METTL23: variants seen among roughly 807,000 people sequenced by gnomAD.
METTL23 encodes methyltransferase 23, arginine, also known as histone-arginine methyltransferase METTL23.
A neutral mutation model predicts 21.2 loss-of-function variants in METTL23; 24 were observed. The observed-to-expected ratio is 1.13, with a 90% CI of 0.82 to 1.59. The LOEUF is 1.59. Among genes scored for constraint, METTL23 ranks in the 40% most tolerant of loss-of-function variants. The pLI is 0.00. For missense variants in METTL23, 276 were observed against 221.4 expected (o/e 1.25, Z -1.57); for synonymous variants, 97 against 75.2 (o/e 1.29, Z -1.50).
At chr17:76,728,242 A>G (rs1010091709) in intron 1 of METTL23, among the ~76,000 whole-genome samples, 29 of 145,436 alleles carry the variant, frequency 2.0e-4, no homozygotes, top group Non-Finnish European at 3.1e-4. Flanking sequence ...TCAAGAAGAA[A>G]AAAAAAAAAA....
At chr17:76,731,897 G>T (rs1173356497) in intron 2 of METTL23, among the ~76,000 whole-genome samples, 1 of 152,176 alleles carries the variant, frequency 6.6e-6, no homozygotes, top group Admixed American at 6.5e-5. Flanking sequence ...GGAAGCTTGT[G>T]TTTATGCTAA....
chr17:76,731,861 T>C (rs1217919671), intron 2 of METTL23, among the ~76,000 whole-genome samples: 1 of 152,232 alleles, frequency 6.6e-6, no homozygotes, highest in Non-Finnish European at 1.5e-5. Context: ...ATTCTATCTC[T>C]GTGTCCTTCC....
At chr17:76,730,319 G>C (rs1424970128) in intron 2 of METTL23, among the ~76,000 whole-genome samples, 1 of 151,480 alleles carries the variant, frequency 6.6e-6, no homozygotes, top group East Asian at 1.9e-4. Flanking sequence ...TTTTAAAGAA[G>C]ATACTGGGTG....
At position 76,732,860 on chromosome 17, in the gene METTL23, G is replaced by A. The variant is rs1244585775; in HGVS notation, c.85-118G>A. ...TTACGGTACATTTTATACAAACCCA[G>A]AAAGACTGACTCTATGCTTATTTAA... is the stretch of plus-strand genomic sequence containing the variant. On this transcript the variant is annotated intron_variant, in intron 2 of 4. Transcript: ENST00000341249. The A allele has an allele frequency of 1.8e-5, 15 of 819,616 alleles. No individual in the cohort carries two copies. In the East Asian group the frequency reaches 3.7e-4, roughly 20 times the overall value. 50.8% of individuals were successfully genotyped at this position (819,616 alleles called of 1,614,324 possible). A position where few individuals can be genotyped will look rare whatever the true frequency, so the allele number is the denominator to read the frequency against.
Position 76,733,310 on chromosome 17 carries a change from G to A in METTL23, c.340G>A (p.Ala114Thr). ...FEPEDFEDIL[A>T]TIYFLMHKNP... Reference sequence around the variant, plus strand: ...CTCCTCAGATTTTGAAGACATTTTGGCTACAATATATTTTTTGATGCACAA... The same window carrying A: ...CTCCTCAGATTTTGAAGACATTTTGACTACAATATATTTTTTGATGCACAA... The change falls in exon 4 of 5, where the codon GCT (alanine) becomes ACT (threonine). Residue 114 changes from alanine (A) to threonine (T), a missense_variant. Physicochemically the swap from Ala to Thr is moderately conservative, Grantham distance 58. Coordinates refer to ENST00000341249, the MANE Select transcript of METTL23 (RefSeq NM_001080510.5). 4 of 1,613,864 alleles carry A rather than the reference G, an allele frequency of 2.5e-6. No individual in the cohort carries two copies. The highest frequency in any genetic ancestry group is 1.3e-5 in the African/African-American group (1 of 75,010).
rs2077359079 is a variant in METTL23 at position 76,733,839 on chromosome 17, TAAACTC to T, written c.*155_*160del. ...ATTTTGATGTCACCTAGACAACACT[TAAACTC>T]ATATGAAACAAAAATTAAAATACGT... On this transcript the variant is annotated 3_prime_UTR_variant, in exon 5 of 5. Coordinates refer to ENST00000341249, the MANE Select transcript of METTL23 (RefSeq NM_001080510.5). 3 of 551,554 alleles carry T rather than the reference TAAACTC, an allele frequency of 5.4e-6. No homozygotes were observed. Among genetic ancestry groups the T allele is most frequent in the Non-Finnish European group, 9.1e-6 (3 of 328,092 alleles). The allele number at this position is 551,554 out of a possible 1,614,324, so 34.2% of individuals were successfully genotyped here.
intron 4 of METTL23, 65 bp from the exon 5 acceptor site, chr17:76,733,456 A>G (rs770409614): frequency 3.6e-5 from 58 of 1,599,148 alleles, no homozygotes; most frequent in Non-Finnish European, 4.7e-5. Flanking sequence ...TAATTTAAGA[A>G]TAGAATACAT....
intron 1 of METTL23, among the ~76,000 whole-genome samples, chr17:76,728,884 C>G (rs2077079918): frequency 6.7e-6 from 1 of 148,732 alleles, no homozygotes; most frequent in South Asian, 2.1e-4. Context: ...AGCTCTGCCT[C>G]CCGGGTTCAC....
At chr17:76,728,416 T>TTTTTTTTTTTTGTTTTTTTTTTTTTG (rs2077051645) in intron 1 of METTL23, among the ~76,000 whole-genome samples, 13 of 5,188 alleles carry the variant, frequency 2.5e-3, no homozygotes, top group African/African-American at 4.2e-3. Flanking sequence ...TCACGGATTT[T>TTTTTTTTTTTTGTTTTTTTTTTTTTG]TTTTTTTTTT....
Position 76,727,132 on chromosome 17 carries a change from C to T in METTL23, c.-68C>T. ...CAGCGCTTTCGATTCTCGGAGGAGC[C>T]GGGTCCGGGGGCCGACGGGGCTGTC... On this transcript the variant is annotated 5_prime_UTR_variant, in exon 1 of 5. Transcript: ENST00000341249. 2.2e-6 allele frequency: 1 copy of T among 451,528 alleles called. No individual in the cohort carries two copies. The highest frequency in any genetic ancestry group is 1.6e-5 in the South Asian group (1 of 64,316). 28.0% of individuals were successfully genotyped at this position (451,528 alleles called of 1,614,324 possible).
chr17:76,732,966 A>AT lies in METTL23; in HGVS notation c.85-11dup. 1.9e-6 allele frequency: 3 copies of AT among 1,554,214 alleles called. No homozygotes were observed. Among genetic ancestry groups the AT allele is most frequent in the Non-Finnish European group, 2.6e-6 (3 of 1,146,218 alleles). On this transcript the variant is annotated splice_polypyrimidine_tract_variant and intron_variant, in intron 2 of 4. Transcript: ENST00000341249. The stretch of plus-strand genomic sequence containing the variant: ...GTATAATTGTGAAATGCCATCTTTC[A>AT]TAACTTATTAGATTGGAGCTGGAGT...
intron 4 of METTL23, 32 bp downstream of exon 4, chr17:76,733,409 T>C (rs766457544): frequency 1.2e-6 from 2 of 1,608,268 alleles, no homozygotes; most frequent in African/African-American, 1.3e-5. Context: ...TTTTTATATG[T>C]AACTTAAGCC....
rs1468720978 is a variant in METTL23, at chr17:76,727,056, A to G, written c.-144A>G. 3 of 454,646 alleles carry G rather than the reference A, an allele frequency of 6.6e-6. No homozygotes were observed. The highest frequency in any genetic ancestry group is 1.3e-5 in the Non-Finnish European group (3 of 226,160). 28.2% of individuals were successfully genotyped at this position (454,646 alleles called of 1,614,324 possible). A position where few individuals can be genotyped will look rare whatever the true frequency, so the allele number is the denominator to read the frequency against. ...GCGGTCCCCCGCCCGCCCGGGGCCC[A>G]ACGACGCCCTACTGGGCGAGCACGA... On this transcript the variant is annotated 5_prime_UTR_variant, in exon 1 of 5. Coordinates refer to ENST00000341249, the MANE Select transcript of METTL23 (RefSeq NM_001080510.5).
chr17:76,728,505 G>A (rs1222637131), intron 1 of METTL23, among the ~76,000 whole-genome samples: 1 of 150,816 alleles, frequency 6.6e-6, no homozygotes, highest in Non-Finnish European at 1.5e-5. Context: ...CCGCCTCGTG[G>A]GTTCAAGTGA....
At chr17:76,726,437 C>T, upstream of METTL23, 1 of 1,604,042 alleles carries the variant, frequency 6.2e-7, no homozygotes, top group Non-Finnish European at 8.5e-7. Context: ...GCGCACTCCG[C>T]TTGGCCTCGC....
rs1271657031 is a variant in METTL23 at position 76,733,322 on chromosome 17, T to G, written c.352T>G (p.Phe118Val). The change falls in exon 4 of 5, where the codon TTT becomes GTT. Residue 118 changes from phenylalanine (F) to valine (V), a missense_variant. Coordinates refer to ENST00000341249, the MANE Select transcript of METTL23 (RefSeq NM_001080510.5). Reference protein sequence around the residue: ...DFEDILATIYFLMHKNPKVQL... With the variant: ...DFEDILATIYVLMHKNPKVQL... ...TGAAGACATTTTGGCTACAATATAT[T>G]TTTTGATGCACAAGAATCCCAAGGT... The G allele has an allele frequency of 6.2e-7, 1 of 1,613,900 alleles. No homozygotes were observed. Among genetic ancestry groups the G allele is most frequent in the African/African-American group, 1.3e-5 (1 of 74,938 alleles).
intron 1 of METTL23, 150 bp from the exon 2 acceptor site, chr17:76,729,540 A>G (rs2077107703): frequency 1.7e-6 from 1 of 604,782 alleles, no homozygotes; most frequent in African/African-American, 1.9e-5. Context: ...ATCACATTGC[A>G]TTGCAGTTTT....
intron 2 of METTL23, chr17:76,732,511 A>G (rs1458043381): frequency 5.9e-6 from 1 of 168,504 alleles, no homozygotes; most frequent in Non-Finnish European, 1.3e-5. Flanking sequence ...AAAAAAAATT[A>G]GCTGGGCTTG....
intron 1 of METTL23, 38 bp downstream of exon 1, chr17:76,727,216 C>T (rs1369497064): frequency 1.1e-5 from 4 of 367,332 alleles, no homozygotes; most frequent in South Asian, 5.7e-5. Flanking sequence ...CGCCTGAGGT[C>T]AGGAGCGGAT....
Sources: allele counts gnomAD v4.1 joint callset (sites outside exome capture counted in the v4.1 genomes callset), GRCh38; gene constraint gnomAD v4.1.1; transcripts MANE v1.5; gene names NCBI Gene and HGNC (gene_info 2026-07-23, HGNC 2026-07-21).